Variants in SPATA9 observed in about 807,000 individuals in gnomAD.
SPATA9 encodes spermatogenesis associated 9.
In SPATA9, 27 loss-of-function variants were observed where a neutral mutation model predicts 25.5. The observed-to-expected ratio is 1.06, with a 90% confidence interval of 0.78 to 1.46. The LOEUF is 1.46. SPATA9 is among the 40% of genes most tolerant of loss of function. SPATA9 has a pLI of 0.00. For synonymous variants in SPATA9, 102 were observed against 105.7 expected (o/e 0.97, Z 0.21); for missense variants, 282 against 297.5 (o/e 0.95, Z 0.38).
chr5:95,653,050 A>G, exon 9 of SPATA9: 1 of 1,541,756 alleles, frequency 6.5e-7, no homozygotes, highest in Non-Finnish European at 8.7e-7. Flanking sequence ...ATTATGTTCC[A>G]GTCTTCTGGA....
chr5:95,652,972 T>A (rs1750448093), downstream of SPATA9: 1 of 1,130,192 alleles, frequency 8.8e-7, no homozygotes. Flanking sequence ...GGCTTTCCTT[T>A]GCTCTTAGAG....
At chr5:95,722,798 G>A in the SPATA9 span, among the ~76,000 whole-genome samples, 4 of 152,122 alleles carry the variant, frequency 2.6e-5, no homozygotes, top group African/African-American at 4.8e-5. Flanking sequence ...GAGTCTTATC[G>A]CTTTTCAAGA....
intron 1 of SPATA9, among the ~76,000 whole-genome samples, chr5:95,693,906 A>G (rs1753949381): frequency 1.3e-5 from 2 of 152,334 alleles, no homozygotes; most frequent in East Asian, 3.9e-4. Context: ...ACACCTGTAA[A>G]TTCCAGAACT....
At chr5:95,732,064 G>C in the SPATA9 span, 1 of 1,614,190 alleles carries the variant, frequency 6.2e-7, no homozygotes, top group Non-Finnish European at 8.5e-7. Context: ...CAAGCTGGTG[G>C]TCCACGACTG....
chr5:95,683,406 T>G (rs576240342), upstream of SPATA9, among the ~76,000 whole-genome samples: 1 of 152,302 alleles, frequency 6.6e-6, no homozygotes, highest in Non-Finnish European at 1.5e-5. Context: ...AATCTCAATC[T>G]CTTTTCTTCA....
chr5:95,665,837 C>T (rs1057135398), intron 3 of SPATA9, among the ~76,000 whole-genome samples: 3 of 152,132 alleles, frequency 2.0e-5, no homozygotes, highest in Non-Finnish European at 4.4e-5. Flanking sequence ...GGCCTGGTGG[C>T]GCATGCCTGT....
the SPATA9 span, chr5:95,731,684 T>G: frequency 6.2e-7 from 1 of 1,613,446 alleles, no homozygotes; most frequent in Non-Finnish European, 8.5e-7. Flanking sequence ...TTTGAGATCA[T>G]GTACGTACGC....
chr5:95,712,829 TTTTA>T, the SPATA9 span, among the ~76,000 whole-genome samples: 1 of 152,210 alleles, frequency 6.6e-6, no homozygotes, highest in African/African-American at 2.4e-5. Context: ...TTTAGGATAA[TTTTA>T]TTTGTTATCT....
At chr5:95,674,494 G>A (rs1437456943) in intron 3 of SPATA9, among the ~76,000 whole-genome samples, 2 of 152,150 alleles carry the variant, frequency 1.3e-5, no homozygotes, top group Admixed American at 6.5e-5. Flanking sequence ...AGACATTCCC[G>A]TTGGGGTCAG....
chr5:95,680,919 C>A (rs1580343964), intron 2 of SPATA9, among the ~76,000 whole-genome samples: 1 of 152,186 alleles, frequency 6.6e-6, no homozygotes, highest in East Asian at 1.9e-4. Flanking sequence ...CTTCTAGCCA[C>A]CCACGAAATC....
At chr5:95,653,023 G>A (rs1419605890) in exon 9 of SPATA9, 2 of 1,509,704 alleles carry the variant, frequency 1.3e-6, no homozygotes, top group Non-Finnish European at 1.8e-6. Context: ...GCTCCTGCCT[G>A]TTTACCAATC....
intron 4 of SPATA9, among the ~76,000 whole-genome samples, chr5:95,659,931 C>T (rs1213343099): frequency 6.6e-6 from 1 of 152,162 alleles, no homozygotes. Flanking sequence ...TCTTTTCCCT[C>T]TACCTATCTC....
At chr5:95,705,575 A>G in the SPATA9 span, among the ~76,000 whole-genome samples, 2 of 152,204 alleles carry the variant, frequency 1.3e-5, no homozygotes, top group African/African-American at 4.8e-5. Context: ...AGCTGGTAAT[A>G]ATGTGTATGA....
At chr5:95,685,994 G>A (rs552302378), upstream of SPATA9, among the ~76,000 whole-genome samples, 79 of 152,126 alleles carry the variant, frequency 5.2e-4, no homozygotes, top group South Asian at 2.7e-3. Flanking sequence ...CCGCGACCAC[G>A]CCCGGCTAAT....
chr5:95,687,295 G>T (rs770374535), upstream of SPATA9, among the ~76,000 whole-genome samples: 5 of 152,134 alleles, frequency 3.3e-5, no homozygotes, highest in African/African-American at 4.8e-5. Context: ...TTATTCTTGT[G>T]ATCCCACTTT....
the SPATA9 span, among the ~76,000 whole-genome samples, chr5:95,727,723 T>TA: frequency 6.6e-6 from 1 of 152,204 alleles, no homozygotes; most frequent in Non-Finnish European, 1.5e-5. Flanking sequence ...GAAATAACTT[T>TA]AAAAAAGTGG....
At chr5:95,715,087 A>C in the SPATA9 span, among the ~76,000 whole-genome samples, 213 of 152,282 alleles carry the variant, frequency 1.4e-3, 1 homozygote, top group African/African-American at 5.0e-3. Flanking sequence ...GCACTTTGGG[A>C]GGCCAAGGCG....
chr5:95,656,116 G>C (rs1444147465), downstream of SPATA9: 11 of 1,613,616 alleles, frequency 6.8e-6, no homozygotes, highest in African/African-American at 1.3e-5. Context: ...ACAGGAGAAG[G>C]TCTGTACCAG....
the SPATA9 span, among the ~76,000 whole-genome samples, chr5:95,718,271 G>C: frequency 6.6e-6 from 1 of 152,146 alleles, no homozygotes; most frequent in African/African-American, 2.4e-5. Flanking sequence ...AGAGATAAGA[G>C]TTGAAGACAG....
Sources: gnomAD v4.1 joint callset for allele counts (sites outside exome capture counted in the v4.1 genomes callset) on GRCh38, gnomAD v4.1.1 for gene constraint, MANE v1.5 for transcripts, NCBI Gene and HGNC (gene_info 2026-07-23, HGNC 2026-07-21) for gene names.